The following MSH4 variants were observed in gnomAD, a reference collection of about 807,000 sequenced individuals.
MSH4 encodes mutS homolog 4, also known as mutS protein homolog 4.
In MSH4, 106 loss-of-function variants were observed where a neutral mutation model predicts 113.7. The ratio of observed to expected loss-of-function variants is 0.93; its 90% CI spans 0.80 to 1.10. The LOEUF is 1.10. MSH4 is among the 50% of genes least tolerant of loss of function. The pLI, the probability that MSH4 is intolerant of heterozygous loss-of-function variation, is 0.00. For synonymous variants in MSH4, 368 were observed against 380.2 expected (o/e 0.97, Z 0.37); for missense variants, 1,061 against 1,093.7 (o/e 0.97, Z 0.42).
intron 7 of MSH4, among the ~76,000 whole-genome samples, chr1:75,842,216 T>C (rs72979232): frequency 0.019 from 2,881 of 152,262 alleles, 97 homozygotes; most frequent in African/African-American, 0.067. Context: ...CCTGGGAATG[T>C]TCAGGTTAAG....
At chr1:75,903,648 A>T (rs1227825745) in intron 19 of MSH4, among the ~76,000 whole-genome samples, 1 of 152,078 alleles carries the variant, frequency 6.6e-6, no homozygotes, top group Admixed American at 6.6e-5. Flanking sequence ...TATTCTTCCA[A>T]TCAATGAACA....
At chr1:75,877,819 A>G (rs1420533779) in intron 10 of MSH4, among the ~76,000 whole-genome samples, 1 of 152,214 alleles carries the variant, frequency 6.6e-6, no homozygotes, top group East Asian at 1.9e-4. Context: ...GTGAATGAGC[A>G]TGAAGCCACA....
At chr1:75,885,190 G>GTA (rs1359089274) in intron 15 of MSH4, among the ~76,000 whole-genome samples, 11 of 143,116 alleles carry the variant, frequency 7.7e-5, no homozygotes, top group South Asian at 2.2e-4. Flanking sequence ...TACGCTATGT[G>GTA]TATATATATA....
At chr1:75,897,877 C>T (rs1024023126) in intron 17 of MSH4, 30 bp from the exon 18 acceptor site, 2 of 1,341,314 alleles carry the variant, frequency 1.5e-6, no homozygotes, top group African/African-American at 3.0e-5. Context: ...TTTTAAAGTA[C>T]TAATATTCAT....
At chr1:75,908,423 G>A (rs181277882) in intron 19 of MSH4, among the ~76,000 whole-genome samples, 31 of 152,298 alleles carry the variant, frequency 2.0e-4, no homozygotes, top group Admixed American at 1.8e-3. Flanking sequence ...TGGGATTACA[G>A]GCGTGAGCCA....
At chr1:75,827,377 A>G (rs1207001948) in intron 7 of MSH4, among the ~76,000 whole-genome samples, 2 of 152,202 alleles carry the variant, frequency 1.3e-5, no homozygotes, top group Non-Finnish European at 1.5e-5. Context: ...CAGCCACTGT[A>G]AAAATACACC....
intron 4 of MSH4, among the ~76,000 whole-genome samples, chr1:75,812,941 G>T (rs1472216555): frequency 6.6e-6 from 1 of 152,160 alleles, no homozygotes; most frequent in Non-Finnish European, 1.5e-5. Context: ...TTATAGGCCA[G>T]TTGGAGGCTT....
intron 17 of MSH4, among the ~76,000 whole-genome samples, chr1:75,891,457 A>G (rs188022852): frequency 9.0e-4 from 137 of 152,080 alleles, no homozygotes; most frequent in African/African-American, 3.2e-3. Context: ...TTTTTATTAT[A>G]TTTATTTATT....
chr1:75,832,204 C>T (rs11161703), intron 7 of MSH4, among the ~76,000 whole-genome samples: 145,331 of 152,110 alleles, frequency 0.96, 69,785 homozygotes, highest in East Asian at 1. Context: ...GATAAATTCC[C>T]GGAGACATAC....
chr1:75,826,966 A>G (rs1322565778), intron 7 of MSH4, among the ~76,000 whole-genome samples: 1 of 152,176 alleles, frequency 6.6e-6, no homozygotes, highest in Non-Finnish European at 1.5e-5. Flanking sequence ...ATAGATGTCT[A>G]TTAGGTCCAC....
At position 75,881,199 on chromosome 1, in the gene MSH4, C is replaced by A. The variant is rs1288176197; in HGVS notation, c.1782-47C>A. On this transcript the variant is annotated intron_variant, in intron 13 of 19. Coordinates refer to ENST00000263187, the MANE Select transcript of MSH4 (RefSeq NM_002440.4). The stretch of plus-strand genomic sequence containing the variant: ...ATTATTTTACGATTACAATGTATGT[C>A]CCTTTTGAAAAAACATTATTACATG... The A allele has an allele frequency of 2.8e-6, 4 of 1,442,402 alleles. No individual in the cohort carries two copies. In the East Asian group the frequency reaches 7.0e-5, roughly 25 times the overall value. 89.4% of individuals were successfully genotyped at this position (1,442,402 alleles called of 1,614,324 possible).
Position 75,889,252 on chromosome 1 carries a change from A to G in MSH4, c.2109A>G (p.Gly703=). The change falls in exon 16 of 20, where the codon GGA becomes GGG. Residue 703 remains glycine, a splice_region_variant and synonymous_variant. Coordinates refer to ENST00000263187, the MANE Select transcript of MSH4 (RefSeq NM_002440.4). ...TTATCTTGACCTTATATTTTACAGG[A>G]TCATATGTTCCAGCAGAATATTCTT... ...IALCQIMAQI[G]SYVPAEYSSF... 1 of 1,338,422 alleles carries G rather than the reference A, an allele frequency of 7.5e-7. No individual in the cohort carries two copies. Among genetic ancestry groups the G allele is most frequent in the Non-Finnish European group, 1.1e-6 (1 of 943,438 alleles). The allele number at this position is 1,338,422 out of a possible 1,614,324, so 82.9% of individuals were successfully genotyped here. A position where few individuals can be genotyped will look rare whatever the true frequency, so the allele number is the denominator to read the frequency against.
At chr1:75,841,915 A>G (rs1041950554) in intron 7 of MSH4, among the ~76,000 whole-genome samples, 2 of 152,250 alleles carry the variant, frequency 1.3e-5, no homozygotes, top group Non-Finnish European at 2.9e-5. Context: ...ATTGGCGAAA[A>G]GAGCCAAACT....
chr1:75,854,145 A>G (rs1651265586), intron 8 of MSH4, among the ~76,000 whole-genome samples: 1 of 151,400 alleles, frequency 6.6e-6, no homozygotes, highest in Non-Finnish European at 1.5e-5. Flanking sequence ...GGTTCATACT[A>G]GTTTTCTCTC....
At chr1:75,824,366 A>G (rs1350604308) in intron 7 of MSH4, among the ~76,000 whole-genome samples, 1 of 151,880 alleles carries the variant, frequency 6.6e-6, no homozygotes, top group African/African-American at 2.4e-5. Context: ...TGGATTCTGG[A>G]TTTTAGAGCT....
chr1:75,816,409 A>G lies in MSH4; in HGVS notation c.852A>G (p.Lys284=). Reference sequence around the variant, plus strand: ...TTGCAGCTGTTGCAGCTTTGTTAAAATATGTTGAATTTATTCAAAATTCAG... The same window carrying G: ...TTGCAGCTGTTGCAGCTTTGTTAAAGTATGTTGAATTTATTCAAAATTCAG... ...YCLAAVAALL[K]YVEFIQNSVY... is the part of the protein sequence containing the mutation. Residue 284 remains lysine (K), a synonymous_variant, in exon 6 of 20, where the codon AAA becomes AAG. Coordinates refer to ENST00000263187, the MANE Select transcript of MSH4 (RefSeq NM_002440.4). The G allele has an allele frequency of 6.2e-7, 1 of 1,608,116 alleles. No individual in the cohort carries two copies. The highest frequency in any genetic ancestry group is 8.5e-7 in the Non-Finnish European group (1 of 1,176,466).
chr1:75,797,838 C>G (rs1649852669), intron 1 of MSH4, among the ~76,000 whole-genome samples: 1 of 152,064 alleles, frequency 6.6e-6, no homozygotes, highest in Admixed American at 6.6e-5. Context: ...CCCAGCTACT[C>G]AGGAGGTTGA....
intron 15 of MSH4, among the ~76,000 whole-genome samples, chr1:75,885,319 G>GTGTA (rs2100576444): frequency 3.5e-5 from 1 of 28,272 alleles, no homozygotes; most frequent in East Asian, 2.9e-3. Context: ...CACACTGGGG[G>GTGTA]TGTGTGTGTG....
chr1:75,798,555 T>C (rs1408214010), intron 1 of MSH4, among the ~76,000 whole-genome samples: 1 of 125,212 alleles, frequency 8.0e-6, no homozygotes, highest in Non-Finnish European at 1.6e-5. Context: ...AATTCCTCTC[T>C]GCACTTTTTT....
Sources: gnomAD v4.1 joint callset for allele counts (sites outside exome capture counted in the v4.1 genomes callset) on GRCh38, gnomAD v4.1.1 for gene constraint, MANE v1.5 for transcripts, NCBI Gene and HGNC (gene_info 2026-07-23, HGNC 2026-07-21) for gene names.